The following NET1 variants were observed in gnomAD, a reference collection of about 807,000 sequenced individuals.
NET1 encodes neuroepithelial cell-transforming gene 1 protein.
In NET1, 42 loss-of-function variants were observed where a neutral mutation model predicts 61.1. That is an observed-to-expected ratio of 0.69 (90% CI 0.54 to 0.89). The LOEUF (loss-of-function observed/expected upper bound fraction) is 0.89. Ranked by LOEUF, NET1 falls within the 40% of genes least tolerant of loss-of-function variation. NET1 has a pLI of 0.00. For synonymous variants in NET1, 254 were observed against 281.8 expected, an observed-to-expected ratio of 0.90 and a Z score of 0.99; for missense variants, 654 against 747.3, an observed-to-expected ratio of 0.88 and a Z score of 1.46.
rs956064827 is a variant in NET1 at position 5,443,982 on chromosome 10, G to T, written c.256-7848G>T. Among the ~76,000 whole-genome samples the T allele has an allele frequency of 6.6e-6, 1 of 152,150 alleles. No homozygotes were observed. The highest frequency in any genetic ancestry group is 2.4e-5 in the African/African-American group (1 of 41,424). On this transcript the variant is annotated intron_variant, in intron 3 of 11. Transcript: ENST00000355029. The surrounding 1 kb of genome is among the most constrained non-coding windows in gnomAD (Gnocchi z 4.8). ...GCCGTAAAGTATTGGCCTTACTTAC[G>T]CCATATTTTAACTGATGAAGCTAAC...
At position 5,454,480 on chromosome 10, in the gene NET1, C is replaced by T; in HGVS notation, c.984C>T (p.His328=). 1 of 1,614,146 alleles carries T rather than the reference C, an allele frequency of 6.2e-7. No individual in the cohort carries two copies. The highest frequency in any genetic ancestry group is 8.5e-7 in the Non-Finnish European group (1 of 1,180,004). Residue 328 remains histidine, a synonymous_variant, in exon 9 of 12, where the codon CAC becomes CAT. Coordinates refer to ENST00000355029, the MANE Select transcript of NET1 (RefSeq NM_001047160.3). The surrounding 1 kb of genome is among the most constrained non-coding windows in gnomAD (Gnocchi z 8.1). ...TACTGTTAAAAGAAATTCTTAAACA[C>T]ACTCCAAAAGAGCACCCTGATGTTC... ...YPLLLKEILK[H]TPKEHPDVQL...
At chr10:5,433,085 T>C (rs1480879978) in intron 3 of NET1, among the ~76,000 whole-genome samples, 2 of 152,226 alleles carry the variant, frequency 1.3e-5, no homozygotes, top group African/African-American at 2.4e-5. Flanking sequence ...TTACTTTTCA[T>C]GTACATTCAC....
In NET1 at chr10:5,453,636, C is replaced by A; in HGVS notation, c.768+76C>A. The A allele has an allele frequency of 8.0e-7, 1 of 1,243,460 alleles. No homozygotes were observed. The highest frequency in any genetic ancestry group is 1.2e-6 in the Non-Finnish European group (1 of 843,358). 77.0% of individuals were successfully genotyped at this position (1,243,460 alleles called of 1,614,324 possible). A position where few individuals can be genotyped will look rare whatever the true frequency, so the allele number is the denominator to read the frequency against. On this transcript the variant is annotated intron_variant, in intron 8 of 11. Coordinates refer to ENST00000355029, the MANE Select transcript of NET1 (RefSeq NM_001047160.3). The surrounding 1 kb of genome is among the most constrained non-coding windows in gnomAD (Gnocchi z 4.9). ...GTTGCAGTTTCTGATGAATATGAGA[C>A]AGATTTGATCCCACAACTCTGTTCT...
intron 3 of NET1, among the ~76,000 whole-genome samples, chr10:5,450,010 T>G (rs1315119600): frequency 6.6e-6 from 1 of 152,210 alleles, no homozygotes; most frequent in African/African-American, 2.4e-5. Context: ...AGACTCTTTG[T>G]GCTGTCTTTA....
At chr10:5,442,090 TA>T (rs1219817172) in intron 3 of NET1, among the ~76,000 whole-genome samples, 5 of 152,214 alleles carry the variant, frequency 3.3e-5, no homozygotes, top group African/African-American at 4.8e-5. Context: ...TTTAGTAATA[TA>T]AGACATGAAG....
At position 5,417,777 on chromosome 10, in the gene NET1, T is replaced by A. The variant is rs1272697118; in HGVS notation, c.128+4957T>A. Among the ~76,000 whole-genome samples, 2 of 152,196 alleles carry A rather than the reference T, an allele frequency of 1.3e-5. No homozygotes were observed. The highest frequency in any genetic ancestry group is 4.8e-5 in the African/African-American group (2 of 41,444). On this transcript the variant is annotated intron_variant, in intron 1 of 11. Coordinates refer to ENST00000355029, the MANE Select transcript of NET1 (RefSeq NM_001047160.3). The surrounding 1 kb of genome is among the most constrained non-coding windows in gnomAD (Gnocchi z 5.5). The stretch of plus-strand genomic sequence containing the variant: ...GATCTTAAGGGGAAAGCATACAATC[T>A]TTCACCATTAAGTATGATGTTAGTT...
intron 3 of NET1, among the ~76,000 whole-genome samples, chr10:5,450,439 ATTT>A (rs1030500808): frequency 6.6e-6 from 1 of 151,360 alleles, no homozygotes; most frequent in African/African-American, 2.4e-5. Context: ...ATTAAAAAAA[ATTT>A]TTTTTTACCC....
At position 5,415,423 on chromosome 10, in the gene NET1, G is replaced by A. The variant is rs911526572; in HGVS notation, c.128+2603G>A. Among the ~76,000 whole-genome samples the A allele has an allele frequency of 6.8e-6, 1 of 146,948 alleles. No individual in the cohort carries two copies. Among genetic ancestry groups the A allele is most frequent in the African/African-American group, 2.5e-5 (1 of 39,742 alleles). ...TATGTAATGTGTGTGGCCATTTTTG[G>A]TGGGCCATCCTTTGCTCTTTTTTTT... On this transcript the variant is annotated intron_variant, in intron 1 of 11. Coordinates refer to ENST00000355029, the MANE Select transcript of NET1 (RefSeq NM_001047160.3). The surrounding 1 kb of genome is among the most constrained non-coding windows in gnomAD (Gnocchi z 4.7).
Position 5,437,354 on chromosome 10 carries a change from T to G in NET1, c.255+8125T>G, listed in dbSNP as rs887127537. ...ACATATAAAGCAGGCTCCCTAATTC[T>G]TCTTGGTTGCTGTATTGTATTCCAT... On this transcript the variant is annotated intron_variant, in intron 3 of 11. Transcript: ENST00000355029. The surrounding 1 kb of genome is among the most constrained non-coding windows in gnomAD (Gnocchi z 4.3). 6.6e-6 allele frequency among the ~76,000 whole-genome samples: 1 copy of G among 152,196 alleles called. No homozygotes were observed. The highest frequency in any genetic ancestry group is 6.5e-5 in the Admixed American group (1 of 15,280).
In NET1 at chr10:5,453,521, T is replaced by G; in HGVS notation, c.729T>G (p.Asp243Glu). The G allele has an allele frequency of 6.2e-7, 1 of 1,614,212 alleles. No homozygotes were observed. The highest frequency in any genetic ancestry group is 1.7e-5 in the Admixed American group (1 of 60,026). ...GAATAGGAGAAGCAACCAAGCCTGA[T>G]GGAACAGTGGAGCAGATTGGTCACA... The part of the protein sequence containing the change: ...LTRIGEATKP[D>E]GTVEQIGHIL... The change falls in exon 8 of 12, where the codon GAT becomes GAG. Residue 243 changes from aspartate (D) to glutamate (E), a missense_variant. Coordinates refer to ENST00000355029, the MANE Select transcript of NET1 (RefSeq NM_001047160.3). This position sits in a 1 kb window ranked among gnomAD's most constrained non-coding sequence, Gnocchi z 4.9.
Position 5,426,849 on chromosome 10 carries a change from A to G in NET1, c.195+128A>G. ...CTTGAGGAACAGAATTCCTGTAACCATCTTTGGCAGCCTAATTTAGTCCTT... is the reference window on the plus strand; with the variant it reads ...CTTGAGGAACAGAATTCCTGTAACCGTCTTTGGCAGCCTAATTTAGTCCTT... On this transcript the variant is annotated intron_variant, in intron 2 of 11. Coordinates refer to ENST00000355029, the MANE Select transcript of NET1 (RefSeq NM_001047160.3). This position sits in a 1 kb window ranked among gnomAD's most constrained non-coding sequence, Gnocchi z 4.6. 4 of 543,424 alleles carry G rather than the reference A, an allele frequency of 7.4e-6. No homozygotes were observed. In the East Asian group the frequency reaches 9.4e-5, roughly 13 times the overall value. 33.7% of individuals were successfully genotyped at this position (543,424 alleles called of 1,614,324 possible). A position where few individuals can be genotyped will look rare whatever the true frequency, so the allele number is the denominator to read the frequency against.
rs1345333275 is a variant in NET1, at chr10:5,456,514, T to C, written c.1385-74T>C. ...CCATAAATTGACAGTCACGTTAAGA[T>C]TGTATGACCACTTTGTCTAGAATAA... On this transcript the variant is annotated intron_variant, in intron 11 of 11. Transcript: ENST00000355029. This position sits in a 1 kb window ranked among gnomAD's most constrained non-coding sequence, Gnocchi z 7.0. 2.1e-6 allele frequency: 3 copies of C among 1,397,422 alleles called. No homozygotes were observed. Among genetic ancestry groups the C allele is most frequent in the Non-Finnish European group, 2.9e-6 (3 of 1,030,106 alleles). 86.6% of individuals were successfully genotyped at this position (1,397,422 alleles called of 1,614,324 possible). A position where few individuals can be genotyped will look rare whatever the true frequency, so the allele number is the denominator to read the frequency against.
In NET1 at chr10:5,441,016, C is replaced by A. The variant is rs1199331848; in HGVS notation, c.256-10814C>A. ...ACAGGTGTCTTTCTTGAGGTATGAT[C>A]CCAGGGAACAAGCTGGAGAAGTGAA... On this transcript the variant is annotated intron_variant, in intron 3 of 11. Transcript: ENST00000355029. The surrounding 1 kb of genome is among the most constrained non-coding windows in gnomAD (Gnocchi z 4.6). Among the ~76,000 whole-genome samples, 2 of 152,128 alleles carry A rather than the reference C, an allele frequency of 1.3e-5. No homozygotes were observed. The highest frequency in any genetic ancestry group is 2.9e-5 in the Non-Finnish European group (2 of 68,022).
At position 5,455,144 on chromosome 10, in the gene NET1, G is replaced by A; in HGVS notation, c.1197+26G>A. On this transcript the variant is annotated intron_variant, in intron 10 of 11. Transcript: ENST00000355029. The surrounding 1 kb of genome is among the most constrained non-coding windows in gnomAD (Gnocchi z 6.5). Reference sequence around the variant, plus strand: ...GTAGGTGACTTTTGCTGCCGTGGCAGAGCAGCCTTCCCTCCTGCCTCTTTA... The same window carrying A: ...GTAGGTGACTTTTGCTGCCGTGGCAAAGCAGCCTTCCCTCCTGCCTCTTTA... The A allele has an allele frequency of 6.2e-7, 1 of 1,609,574 alleles. No individual in the cohort carries two copies. The highest frequency in any genetic ancestry group is 8.5e-7 in the Non-Finnish European group (1 of 1,177,480).
Position 5,452,666 on chromosome 10 carries a change from TAAACA to T in NET1, c.531+143_531+147del, listed in dbSNP as rs1832727140. On this transcript the variant is annotated intron_variant, in intron 5 of 11. Transcript: ENST00000355029. This position sits in a 1 kb window ranked among gnomAD's most constrained non-coding sequence, Gnocchi z 4.0. Reference sequence around the variant, plus strand: ...ACCTAATGATGGATGGTGGTCAAATTAAACAACTCTAATAGGGTAAACTTACCAAA... The same window carrying T: ...ACCTAATGATGGATGGTGGTCAAATTACTCTAATAGGGTAAACTTACCAAA... 1.1e-6 allele frequency: 1 copy of T among 940,826 alleles called. No individual in the cohort carries two copies. Among genetic ancestry groups the T allele is most frequent in the Admixed American group, 2.8e-5 (1 of 35,748 alleles). 58.3% of individuals were successfully genotyped at this position (940,826 alleles called of 1,614,324 possible). A position where few individuals can be genotyped will look rare whatever the true frequency, so the allele number is the denominator to read the frequency against.
At chr10:5,448,965 G>T (rs1832662637) in intron 3 of NET1, among the ~76,000 whole-genome samples, 1 of 152,094 alleles carries the variant, frequency 6.6e-6, no homozygotes, top group South Asian at 2.1e-4. Context: ...TATTAAGATA[G>T]TTCATGTGGA....
Position 5,456,300 on chromosome 10 carries a change from A to T in NET1, c.1384+27A>T. 1 of 1,542,936 alleles carries T rather than the reference A, an allele frequency of 6.5e-7. No individual in the cohort carries two copies. On this transcript the variant is annotated intron_variant, in intron 11 of 11. Transcript: ENST00000355029. This position sits in a 1 kb window ranked among gnomAD's most constrained non-coding sequence, Gnocchi z 7.0. ...TAAAATGCAGGCCTTCAATAATTTA[A>T]AGAAATAGAAGCTCAGAACTGAAGT...
rs970266070 is a variant in NET1 at position 5,435,367 on chromosome 10, A to G, written c.255+6138A>G. Among the ~76,000 whole-genome samples, 3 of 152,150 alleles carry G rather than the reference A, an allele frequency of 2.0e-5. No individual in the cohort carries two copies. The highest frequency in any genetic ancestry group is 2.9e-5 in the Non-Finnish European group (2 of 68,030). ...CTCCCCCTGATTTTTGCTTGGACTT[A>G]CATCTAAATACAACAGTTTTTATGT... On this transcript the variant is annotated intron_variant, in intron 3 of 11. Coordinates refer to ENST00000355029, the MANE Select transcript of NET1 (RefSeq NM_001047160.3). This position sits in a 1 kb window ranked among gnomAD's most constrained non-coding sequence, Gnocchi z 5.0.
chr10:5,452,981 A>G lies in NET1; in HGVS notation c.594+61A>G, dbSNP rs1426440734. On this transcript the variant is annotated intron_variant, in intron 6 of 11. Transcript: ENST00000355029. The surrounding 1 kb of genome is among the most constrained non-coding windows in gnomAD (Gnocchi z 4.0). Reference sequence around the variant, plus strand: ...TTAAAAATTACATTTCACAAAATCTAAAGGATAGTTTTCTTAACCTTTAGA... The same window carrying G: ...TTAAAAATTACATTTCACAAAATCTGAAGGATAGTTTTCTTAACCTTTAGA... 7.8e-6 allele frequency: 9 copies of G among 1,155,214 alleles called. No individual in the cohort carries two copies. In the East Asian group the frequency reaches 1.6e-4, roughly 21 times the overall value. 71.6% of individuals were successfully genotyped at this position (1,155,214 alleles called of 1,614,324 possible).
Sources: gnomAD v4.1 joint callset for allele counts (sites outside exome capture counted in the v4.1 genomes callset) on GRCh38, gnomAD v4.1.1 for gene constraint, Gnocchi (gnomAD v3.1) non-coding constraint, MANE v1.5 for transcripts, NCBI Gene and HGNC (gene_info 2026-07-23, HGNC 2026-07-21) for gene names.